The following CR1 variants were observed in gnomAD, a reference collection of about 807,000 sequenced individuals.
The protein encoded by CR1 is complement receptor type 1.
CR1 carries 116 observed loss-of-function variants against 187.3 expected under a neutral mutation model. The ratio of observed to expected loss-of-function variants is 0.62; its 90% CI spans 0.53 to 0.72. The LOEUF (loss-of-function observed/expected upper bound fraction) is 0.72. CR1 is among the 30% of genes least tolerant of loss of function. The pLI is 0.00. For synonymous variants in CR1, 576 were observed against 747.1 expected (o/e 0.77, Z 3.73); for missense variants, 1,731 against 2,110.7 (o/e 0.82, Z 3.52).
At chr1:207,502,165 C>CA (rs1348815281) in intron 1 of CR1, among the ~76,000 whole-genome samples, 1 of 151,568 alleles carries the variant, frequency 6.6e-6, no homozygotes, top group Non-Finnish European at 1.5e-5. Flanking sequence ...TTTAGAGGTA[C>CA]AAAAAAACAC....
At chr1:207,619,818 C>A in intron 42 of CR1, 62 bp from the exon 43 acceptor site, 2 of 1,442,272 alleles carry the variant, frequency 1.4e-6, no homozygotes, top group Non-Finnish European at 1.9e-6. Flanking sequence ...CTCCTATTCT[C>A]GCAGTTAAAA....
chr1:207,496,535 C>A, intron 1 of CR1, 147 bp downstream of exon 1: 3 of 788,956 alleles, frequency 3.8e-6, no homozygotes, highest in Non-Finnish European at 5.6e-6. Context: ...CGCGACCCGG[C>A]AGGGCGGCGG....
At position 207,577,838 on chromosome 1, in the gene CR1, A is replaced by G; in HGVS notation, c.4571A>G (p.Asn1524Ser). 3.1e-6 allele frequency: 5 copies of G among 1,613,926 alleles called. No individual in the cohort carries two copies. Among genetic ancestry groups the G allele is most frequent in the South Asian group, 2.2e-5 (2 of 91,076 alleles). The change falls in exon 29 of 47, where the codon AAT (asparagine) becomes AGT (serine). Residue 1524 changes from asparagine (N) to serine (S), a missense_variant. Physicochemically the swap from Asn to Ser is conservative, Grantham distance 46. Coordinates refer to ENST00000367049, the MANE Select transcript of CR1 (RefSeq NM_000651.6). ...IPCGLPPTIA[N>S]GDFISTNREN... is the part of the protein sequence containing the mutation. ...TGTGGGCTACCCCCAACCATCGCCA[A>G]TGGAGATTTCATTAGCACCAACAGA... is the stretch of plus-strand genomic sequence containing the variant.
chr1:207,619,979 A>G lies in CR1; in HGVS notation c.7166A>G (p.Glu2389Gly). 6.2e-7 allele frequency: 1 copy of G among 1,613,816 alleles called. No homozygotes were observed. Residue 2389 changes from glutamate to glycine, a missense_variant, in exon 43 of 47, where the codon GAA (glutamate) becomes GGA (glycine). By Grantham distance (98) the Glu-to-Gly change is moderately conservative. Around this residue, in one of 5 missense-constraint regions of CR1, gnomAD observed 1,312 missense variants for 1,379.6 expected, o/e 0.95. Coordinates refer to ENST00000367049, the MANE Select transcript of CR1 (RefSeq NM_000651.6). ...GGAGATTATGTGACTTTGAAGTGTGAAGATGGGTATACTCTGGAAGGCAGT... is the reference window on the plus strand; with the variant it reads ...GGAGATTATGTGACTTTGAAGTGTGGAGATGGGTATACTCTGGAAGGCAGT... ...HYGDYVTLKC[E>G]DGYTLEGSPW...
chr1:207,616,024 G>A (rs1369212140), intron 40 of CR1, among the ~76,000 whole-genome samples: 1 of 152,144 alleles, frequency 6.6e-6, no homozygotes, highest in South Asian at 2.1e-4. Context: ...ATCAAAAAAG[G>A]CTCTTTGGCA....
intron 4 of CR1, 33 bp from the exon 5 acceptor site, chr1:207,523,578 G>A (rs1460046311): frequency 6.2e-7 from 1 of 1,612,812 alleles, no homozygotes; most frequent in Non-Finnish European, 8.5e-7. Flanking sequence ...TATTTAAACT[G>A]ACTGTTATTT....
At position 207,523,671 on chromosome 1, in the gene CR1, A is replaced by G. The variant is rs1271137614; in HGVS notation, c.548A>G (p.Glu183Gly). ...TNGDFISTNR[E>G]NFHYGSVVTY... ...GGAGATTTCATTAGCACCAACAGAG[A>G]GAATTTTCACTATGGATCAGTGGTG... Residue 183 changes from glutamate (E) to glycine (G), a missense_variant, in exon 5 of 47, where the codon GAG (glutamate) becomes GGG (glycine). Physicochemically the swap from Glu to Gly is moderately conservative, Grantham distance 98. This residue lies in a region of CR1 where 237 missense variants were observed against 240.4 expected (regional missense o/e 0.99). Transcript: ENST00000367049. 6.2e-7 allele frequency: 1 copy of G among 1,613,908 alleles called. No homozygotes were observed. The highest frequency in any genetic ancestry group is 2.2e-5 in the East Asian group (1 of 44,884).
intron 35 of CR1, among the ~76,000 whole-genome samples, chr1:207,596,633 T>TAATAAC (rs549885612): frequency 0.013 from 1,913 of 150,872 alleles, 45 homozygotes; most frequent in African/African-American, 0.043. Flanking sequence ...ATAATAATAA[T>TAATAAC]AATAACAATA....
At chr1:207,506,685 G>C (rs754255594) in intron 2 of CR1, 29 bp from the exon 3 acceptor site, 5 of 1,600,300 alleles carry the variant, frequency 3.1e-6, no homozygotes. Flanking sequence ...TACTCTACTT[G>C]GCTCCAAAAT....
intron 35 of CR1, among the ~76,000 whole-genome samples, chr1:207,605,233 C>T (rs1171137227): frequency 6.9e-6 from 1 of 144,490 alleles, no homozygotes; most frequent in East Asian, 2.0e-4. Context: ...GCACTCCAGC[C>T]TGGGTGATAG....
intron 4 of CR1, among the ~76,000 whole-genome samples, chr1:207,513,365 C>T (rs1204001766): frequency 1.3e-5 from 2 of 152,176 alleles, no homozygotes; most frequent in Non-Finnish European, 1.5e-5. Context: ...GCAACAGTTC[C>T]CATTGTCATT....
At chr1:207,601,685 T>C (rs540327176) in intron 35 of CR1, among the ~76,000 whole-genome samples, 1 of 152,322 alleles carries the variant, frequency 6.6e-6, no homozygotes, top group Admixed American at 6.5e-5. Flanking sequence ...GCATCTTTTC[T>C]TGTGTTTATT....
intron 33 of CR1, 79 bp from the exon 34 acceptor site, chr1:207,587,307 C>T (rs1661138970): frequency 8.1e-7 from 1 of 1,233,338 alleles, no homozygotes; most frequent in African/African-American, 1.5e-5. Context: ...ATCCACCTAT[C>T]AGCTTAATTG....
At chr1:207,584,584 T>C in intron 32 of CR1, 65 bp from the exon 33 acceptor site, 13 of 1,559,160 alleles carry the variant, frequency 8.3e-6, no homozygotes, top group Non-Finnish European at 1.1e-5. Context: ...ATGACAACTG[T>C]AGAATCACCT....
chr1:207,631,468 T>A (rs1662643685), intron 46 of CR1, among the ~76,000 whole-genome samples: 1 of 152,200 alleles, frequency 6.6e-6, no homozygotes, highest in Non-Finnish European at 1.5e-5. Flanking sequence ...ATTTACTATC[T>A]GGCCCTTTAG....
rs547963411 is a variant in CR1 at position 207,500,567 on chromosome 1, G to A, written c.121+4179G>A. Among the ~76,000 whole-genome samples the A allele has an allele frequency of 6.6e-5, 10 of 152,300 alleles. No individual in the cohort carries two copies. The South Asian group carries it at 1.2e-3, about 19-fold the overall frequency. On this transcript the variant is annotated intron_variant, in intron 1 of 46. Transcript: ENST00000367049. ...GGCTGAGTCATACAAGACAAAACCC[G>A]AAATGAGATAACAATACATACCCAC... is the stretch of plus-strand genomic sequence containing the variant.
At chr1:207,581,237 TATACATATGGACACGTATATGTAG>T (rs1234240872) in intron 31 of CR1, among the ~76,000 whole-genome samples, 61 of 150,688 alleles carry the variant, frequency 4.0e-4, no homozygotes, top group African/African-American at 1.5e-3. Flanking sequence ...TATGTAGACG[TATACATATGGACACGTATATGTAG>T]ACGTATACAT....
At chr1:207,586,866 C>T (rs541981192) in intron 33 of CR1, among the ~76,000 whole-genome samples, 225 of 152,248 alleles carry the variant, frequency 1.5e-3, no homozygotes, top group Non-Finnish European at 2.8e-3. Flanking sequence ...TCTGAAAAAC[C>T]ATTATTCCAA....
intron 42 of CR1, 96 bp downstream of exon 42, chr1:207,618,343 G>C (rs1227184236): frequency 6.2e-6 from 7 of 1,137,694 alleles, no homozygotes; most frequent in Non-Finnish European, 8.6e-6. Flanking sequence ...TTAATGAAAG[G>C]GATAATATTT....
Sources: gnomAD v4.1 joint callset for allele counts (sites outside exome capture counted in the v4.1 genomes callset) on GRCh38, gnomAD v4.1.1 for gene constraint, gnomAD v4.1.1 regional missense constraint, MANE v1.5 for transcripts, NCBI Gene and HGNC (gene_info 2026-07-23, HGNC 2026-07-21) for gene names.